RORA: variants seen among roughly 807,000 people sequenced by gnomAD.
RORA encodes the protein nuclear receptor ROR-alpha.
A neutral mutation model predicts 69.5 loss-of-function variants in RORA; 7 were observed. The ratio of observed to expected loss-of-function variants is 0.10; its 90% CI spans 0.06 to 0.19. The LOEUF is 0.19. Among genes scored for constraint, RORA ranks in the 10% least tolerant of loss-of-function variants. The pLI is 1.00. For synonymous variants in RORA, 261 were observed against 240.8 expected, an observed-to-expected ratio of 1.08 and a Z score of -0.78; for missense variants, 457 against 663.0, an observed-to-expected ratio of 0.69 and a Z score of 3.41.
intron 2 of RORA, among the ~76,000 whole-genome samples, chr15:60,575,623 A>G (rs1174868998): frequency 3.9e-5 from 6 of 152,226 alleles, no homozygotes; most frequent in Non-Finnish European, 5.9e-5. Context: ...GACACAAATG[A>G]TAAATGTAAG....
At chr15:60,592,633 GGGA>G in intron 2 of RORA, 1 of 587,804 alleles carries the variant, frequency 1.7e-6, no homozygotes, top group Non-Finnish European at 2.0e-6. Flanking sequence ...CTCCCGGGGC[GGGA>G]GGCGGGAGGC....
chr15:60,561,676 A>G (rs2067564723), intron 2 of RORA, among the ~76,000 whole-genome samples: 1 of 152,126 alleles, frequency 6.6e-6, no homozygotes, highest in Admixed American at 6.5e-5. Context: ...AGAACTATAG[A>G]AGGAAAGTAC....
chr15:60,982,572 T>C (rs1262480314), intron 1 of RORA, among the ~76,000 whole-genome samples: 3 of 152,156 alleles, frequency 2.0e-5, no homozygotes, highest in Admixed American at 1.3e-4. Flanking sequence ...AGCCACCAGA[T>C]AGATCAAATT....
chr15:60,852,525 G>A (rs1383665632), intron 1 of RORA, among the ~76,000 whole-genome samples: 1 of 152,178 alleles, frequency 6.6e-6, no homozygotes, highest in Non-Finnish European at 1.5e-5. Flanking sequence ...GCACACCGTA[G>A]GTGCTTATGA....
intron 1 of RORA, among the ~76,000 whole-genome samples, chr15:60,980,416 C>T (rs1051915344): frequency 6.6e-6 from 1 of 151,994 alleles, no homozygotes; most frequent in African/African-American, 2.4e-5. Context: ...GAAAGTGTTC[C>T]CTCTGCTATT....
At chr15:61,139,217 A>T (rs2079274568) in intron 1 of RORA, among the ~76,000 whole-genome samples, 1 of 152,172 alleles carries the variant, frequency 6.6e-6, no homozygotes, top group Admixed American at 6.5e-5. Context: ...ATATGCACTG[A>T]GAAGCAACAA....
chr15:61,041,844 C>T (rs993090503), intron 1 of RORA, among the ~76,000 whole-genome samples: 3 of 152,200 alleles, frequency 2.0e-5, no homozygotes, highest in Non-Finnish European at 2.9e-5. Context: ...AAGGACTTAA[C>T]GTCAGTCAGT....
rs778639354 is a variant in RORA, at chr15:60,998,757, C to A, written c.166+230296G>T. On this transcript the variant is annotated intron_variant, in intron 1 of 10. Transcript: ENST00000335670. Reference sequence around the variant, plus strand: ...GCTGATAACTATGTGATATTCTTGACAGGTCCCCAGTGTCTCTCTCAGCTT... The same window carrying A: ...GCTGATAACTATGTGATATTCTTGAAAGGTCCCCAGTGTCTCTCTCAGCTT... Among the ~76,000 whole-genome samples, 113 of 152,222 alleles carry A rather than the reference C, an allele frequency of 7.4e-4. 2 individuals are homozygous for A. The highest frequency in any genetic ancestry group is 2.4e-4 in the Non-Finnish European group (16 of 68,030).
intron 3 of RORA, among the ~76,000 whole-genome samples, chr15:60,522,694 A>G (rs1018430508): frequency 1.3e-5 from 2 of 151,104 alleles, no homozygotes; most frequent in African/African-American, 4.9e-5. Context: ...TGTTGGAGCC[A>G]GGAGTTTGAG....
intron 2 of RORA, among the ~76,000 whole-genome samples, chr15:60,555,327 G>T (rs987517153): frequency 6.6e-6 from 1 of 152,148 alleles, no homozygotes; most frequent in African/African-American, 2.4e-5. Context: ...AGGTTCCAAA[G>T]CCCTTGAGAG....
intron 1 of RORA, among the ~76,000 whole-genome samples, chr15:60,798,221 GACACACACACACACACACACACAC>G (rs34480684): frequency 0.012 from 1,747 of 145,810 alleles, 33 homozygotes; most frequent in African/African-American, 0.043. Flanking sequence ...TTCCCCAACA[GACACACACACACACACACACACAC>G]ACACACACAC....
chr15:60,987,500 G>T (rs1427011475), intron 1 of RORA, among the ~76,000 whole-genome samples: 1 of 152,102 alleles, frequency 6.6e-6, no homozygotes, highest in Non-Finnish European at 1.5e-5. Flanking sequence ...AGGATTAGGG[G>T]TGCTCAAAAA....
chr15:60,670,201 CTTTTTTTTTTTTCT>C (rs370342361), intron 2 of RORA, among the ~76,000 whole-genome samples: 1,433 of 126,064 alleles, frequency 0.011, 27 homozygotes, highest in African/African-American at 0.044. Context: ...TATCCTACCT[CTTTTTTTTTTTTCT>C]TTTTTTTTTT....
At chr15:60,902,844 T>C (rs1891429583) in intron 1 of RORA, among the ~76,000 whole-genome samples, 1 of 152,198 alleles carries the variant, frequency 6.6e-6, no homozygotes, top group Admixed American at 6.5e-5. Context: ...GGCAGAACGC[T>C]TTTCTCCTCT....
intron 2 of RORA, among the ~76,000 whole-genome samples, chr15:60,561,493 A>C (rs1402213728): frequency 6.6e-6 from 1 of 152,138 alleles, no homozygotes; most frequent in Non-Finnish European, 1.5e-5. Flanking sequence ...TTAACTCTGA[A>C]ACTAACATTA....
intron 2 of RORA, among the ~76,000 whole-genome samples, chr15:60,675,310 A>G (rs2070536764): frequency 6.6e-6 from 1 of 152,240 alleles, no homozygotes; most frequent in African/African-American, 2.4e-5. Flanking sequence ...AAGCAAAGCA[A>G]TCTTGAAGGG....
At chr15:60,982,104 C>G (rs1894060816) in intron 1 of RORA, among the ~76,000 whole-genome samples, 1 of 152,228 alleles carries the variant, frequency 6.6e-6, no homozygotes, top group African/African-American at 2.4e-5. Flanking sequence ...TCCTTCAACA[C>G]TTGGAACTAA....
chr15:61,228,661 A>T (rs2080171264), intron 1 of RORA, among the ~76,000 whole-genome samples: 1 of 152,006 alleles, frequency 6.6e-6, no homozygotes, highest in Non-Finnish European at 1.5e-5. Flanking sequence ...GCCCCTTCTT[A>T]AAAGGACACT....
intron 8 of RORA, 98 bp from the exon 9 acceptor site, chr15:60,501,167 A>G: frequency 1.7e-6 from 1 of 605,992 alleles, no homozygotes; most frequent in Non-Finnish European, 3.0e-6. Flanking sequence ...TAAGTCCAAT[A>G]GAAGGTCTTA....
Sources: gnomAD v4.1 joint callset for allele counts (sites outside exome capture counted in the v4.1 genomes callset) on GRCh38, gnomAD v4.1.1 for gene constraint, MANE v1.5 for transcripts, NCBI Gene and HGNC (gene_info 2026-07-23, HGNC 2026-07-21) for gene names.